The following ZNF407 variants were observed in gnomAD, a reference collection of about 807,000 sequenced individuals.
The protein encoded by ZNF407 is zinc finger protein 407.
ZNF407 carries 17 observed loss-of-function variants against 131.2 expected under a neutral mutation model. The observed-to-expected ratio is 0.13, with a 90% CI of 0.09 to 0.19. The LOEUF (loss-of-function observed/expected upper bound fraction) is 0.19. Ranked by LOEUF, ZNF407 falls within the 10% of genes least tolerant of loss-of-function variation. The pLI is 1.00. For synonymous variants in ZNF407, 1,156 were observed against 1,062.0 expected (o/e 1.09, Z -1.72); for missense variants, 2,681 against 2,830.6 (o/e 0.95, Z 1.20).
At chr18:74,737,720 G>T (rs1968451584) in intron 3 of ZNF407, among the ~76,000 whole-genome samples, 1 of 152,112 alleles carries the variant, frequency 6.6e-6, no homozygotes, top group South Asian at 2.1e-4. Flanking sequence ...CACATCTTTA[G>T]TTGTATATTT....
intron 8 of ZNF407, among the ~76,000 whole-genome samples, chr18:75,050,328 GA>G (rs1316914404): frequency 3.9e-5 from 6 of 152,114 alleles, no homozygotes; most frequent in African/African-American, 1.2e-4. Context: ...TATTGATTAA[GA>G]AAACAAGATT....
intron 3 of ZNF407, among the ~76,000 whole-genome samples, chr18:74,779,695 T>C (rs889608479): frequency 2.0e-5 from 3 of 152,182 alleles, no homozygotes; most frequent in African/African-American, 7.2e-5. Context: ...CTCTAGTTTG[T>C]TTCCCTGTGC....
intron 8 of ZNF407, among the ~76,000 whole-genome samples, chr18:74,979,868 G>A (rs1414888411): frequency 1.3e-5 from 2 of 152,072 alleles, no homozygotes; most frequent in African/African-American, 4.8e-5. Context: ...GATTTTTGGA[G>A]GGACCTCACA....
At chr18:74,779,584 C>G (rs1219925139) in intron 3 of ZNF407, among the ~76,000 whole-genome samples, 1 of 152,016 alleles carries the variant, frequency 6.6e-6, no homozygotes, top group Non-Finnish European at 1.5e-5. Context: ...TTCCATTTTT[C>G]TCCATGATAA....
chr18:74,615,022 C>T (rs1211073434), intron 1 of ZNF407, among the ~76,000 whole-genome samples: 1 of 152,208 alleles, frequency 6.6e-6, no homozygotes, highest in African/African-American at 2.4e-5. Flanking sequence ...GCCACTTAAG[C>T]ATCAAGGCTT....
chr18:74,765,078 A>G lies in ZNF407; in HGVS notation c.4803-16350A>G, dbSNP rs1969198581. 1.3e-5 allele frequency among the ~76,000 whole-genome samples: 2 copies of G among 152,174 alleles called. 1 individual carries two copies. Among genetic ancestry groups the G allele is most frequent in the South Asian group, 4.1e-4 (2 of 4,824 alleles). ...AATTCTTGTTGTTCAAGGGTCATCT[A>G]TACTACATTATTTTTATGTAAGGGA... On this transcript the variant is annotated intron_variant, in intron 3 of 8. Coordinates refer to ENST00000299687, the MANE Select transcript of ZNF407 (RefSeq NM_017757.3).
At chr18:74,987,310 T>C (rs1972665069) in intron 8 of ZNF407, among the ~76,000 whole-genome samples, 1 of 152,172 alleles carries the variant, frequency 6.6e-6, no homozygotes, top group Non-Finnish European at 1.5e-5. Context: ...GACGATAACA[T>C]CATCAGTGTC....
chr18:74,920,837 C>G, intron 8 of ZNF407, 145 bp downstream of exon 8: 2 of 1,297,412 alleles, frequency 1.5e-6, no homozygotes, highest in Non-Finnish European at 2.0e-6. Context: ...TAGAAAAGTA[C>G]ATTCCAGTTT....
intron 1 of ZNF407, among the ~76,000 whole-genome samples, chr18:74,615,906 C>T (rs980534329): frequency 2.6e-5 from 4 of 151,614 alleles, no homozygotes; most frequent in African/African-American, 4.8e-5. Flanking sequence ...TCTTTTTGTC[C>T]GGGCTGGAGT....
At chr18:75,018,893 A>G (rs894576) in intron 8 of ZNF407, among the ~76,000 whole-genome samples, 21,932 of 152,152 alleles carry the variant, frequency 0.14, 1,806 homozygotes, top group Admixed American at 0.27. Flanking sequence ...GAGAGCACAC[A>G]TATTAATAAT....
At chr18:74,926,000 T>C (rs1294962830) in intron 8 of ZNF407, among the ~76,000 whole-genome samples, 1 of 152,248 alleles carries the variant, frequency 6.6e-6, no homozygotes, top group Non-Finnish European at 1.5e-5. Context: ...GTCCTGATAC[T>C]TCACCACTAA....
intron 8 of ZNF407, among the ~76,000 whole-genome samples, chr18:74,959,613 G>C (rs889443420): frequency 6.6e-6 from 1 of 152,050 alleles, no homozygotes; most frequent in Admixed American, 6.6e-5. Context: ...ATCTCTAAAC[G>C]GAATACACTT....
chr18:74,788,594 T>G (rs1315844995), intron 4 of ZNF407, among the ~76,000 whole-genome samples: 1 of 149,378 alleles, frequency 6.7e-6, no homozygotes, highest in Non-Finnish European at 1.5e-5. Context: ...CTGTTTCTTT[T>G]AGTACATCTT....
At position 74,703,694 on chromosome 18, in the gene ZNF407, A is replaced by C. The variant is rs1188370280; in HGVS notation, c.4802+62572A>C. 6.7e-6 allele frequency among the ~76,000 whole-genome samples: 1 copy of C among 149,828 alleles called. No homozygotes were observed. ...ATCTCTTTTATGGGCTATGAGATTGATTTTTTTTTTAACTGAATATGGTAA... is the reference window on the plus strand; with the variant it reads ...ATCTCTTTTATGGGCTATGAGATTGCTTTTTTTTTTAACTGAATATGGTAA... On this transcript the variant is annotated intron_variant, in intron 3 of 8. Transcript: ENST00000299687. This position sits in a 1 kb window ranked among gnomAD's most constrained non-coding sequence, Gnocchi z 4.1.
intron 3 of ZNF407, among the ~76,000 whole-genome samples, chr18:74,706,313 T>C (rs1967622605): frequency 1.3e-5 from 2 of 152,332 alleles, no homozygotes; most frequent in South Asian, 4.1e-4. Flanking sequence ...GGAATCGCTT[T>C]TATTATTGTT....
intron 4 of ZNF407, among the ~76,000 whole-genome samples, chr18:74,876,414 T>G (rs898505442): frequency 2.0e-5 from 3 of 152,194 alleles, no homozygotes; most frequent in Admixed American, 1.3e-4. Flanking sequence ...ATTTCATGAA[T>G]GCAATTGAAC....
intron 3 of ZNF407, among the ~76,000 whole-genome samples, chr18:74,747,734 A>G (rs760278541): frequency 6.6e-6 from 1 of 152,184 alleles, no homozygotes; most frequent in Non-Finnish European, 1.5e-5. Context: ...TAGCTGCATT[A>G]GTAAAGCTCA....
chr18:74,920,096 A>C (rs1219032868), intron 7 of ZNF407, among the ~76,000 whole-genome samples: 3 of 152,178 alleles, frequency 2.0e-5, no homozygotes, highest in African/African-American at 7.2e-5. Flanking sequence ...GCGTGACAGA[A>C]CTTAAAAGCC....
chr18:74,916,790 G>A (rs1971777007), intron 7 of ZNF407, among the ~76,000 whole-genome samples: 1 of 150,694 alleles, frequency 6.6e-6, no homozygotes, highest in African/African-American at 2.5e-5. Context: ...GAGTGTGTGT[G>A]TGTGTGTGTG....
Sources: allele counts gnomAD v4.1 joint callset (sites outside exome capture counted in the v4.1 genomes callset), GRCh38; gene constraint gnomAD v4.1.1; non-coding constraint Gnocchi (gnomAD v3.1); transcripts MANE v1.5; gene names NCBI Gene and HGNC (gene_info 2026-07-23, HGNC 2026-07-21).